ADH5: variants seen among roughly 807,000 people sequenced by gnomAD.
The protein encoded by ADH5 is alcohol dehydrogenase 5 (class III), chi polypeptide.
Under a neutral mutation model 40.3 loss-of-function variants are expected in ADH5, and 32 were observed. That is an observed-to-expected ratio of 0.79 (90% CI 0.60 to 1.07). ADH5 has a LOEUF of 1.07. Ranked by LOEUF, ADH5 falls within the 50% of genes least tolerant of loss-of-function variation. The pLI, the probability that ADH5 is intolerant of heterozygous loss-of-function variation, is 0.00. For missense variants in ADH5, 353 were observed against 460.5 expected, an observed-to-expected ratio of 0.77 and a Z score of 2.14; for synonymous variants, 125 against 154.3, an observed-to-expected ratio of 0.81 and a Z score of 1.41.
intron 6 of ADH5, 54 bp from the exon 7 acceptor site, chr4:99,075,103 A>T: frequency 1.7e-6 from 2 of 1,169,078 alleles, no homozygotes; most frequent in South Asian, 3.7e-5. Flanking sequence ...TTTCCTGAGA[A>T]CAACTGCTGG....
At chr4:99,079,115 C>T (rs1471121493) in intron 4 of ADH5, among the ~76,000 whole-genome samples, 1 of 152,208 alleles carries the variant, frequency 6.6e-6, no homozygotes, top group Non-Finnish European at 1.5e-5. Flanking sequence ...GCTGTAGATG[C>T]ATATCTTACG....
intron 1 of ADH5, among the ~76,000 whole-genome samples, chr4:99,086,111 A>T (rs1167247099): frequency 6.6e-6 from 1 of 152,232 alleles, no homozygotes; most frequent in African/African-American, 2.4e-5. Flanking sequence ...AGTTCAAAGA[A>T]AAGTAAAAAT....
chr4:99,073,473 C>A (rs769076786), intron 7 of ADH5, among the ~76,000 whole-genome samples: 1 of 141,802 alleles, frequency 7.1e-6, no homozygotes, highest in Non-Finnish European at 1.5e-5. Flanking sequence ...CCACCAGGCC[C>A]GACTAAATGG....
intron 7 of ADH5, among the ~76,000 whole-genome samples, chr4:99,073,324 G>A (rs948625012): frequency 1.3e-5 from 2 of 152,070 alleles, no homozygotes; most frequent in Non-Finnish European, 2.9e-5. Flanking sequence ...GACTACAGGC[G>A]CCTGCCACCA....
rs1426539015 is a variant in ADH5, at chr4:99,071,138, T to C, written c.*1279A>G. On this transcript the variant is annotated 3_prime_UTR_variant, in exon 9 of 9. Coordinates refer to ENST00000296412, the MANE Select transcript of ADH5 (RefSeq NM_000671.4). ...AATTATTCAGAGAAAAATAATTCAATACAAAGTTGAGCACAGGATATGAAC... is the reference window on the plus strand; with the variant it reads ...AATTATTCAGAGAAAAATAATTCAACACAAAGTTGAGCACAGGATATGAAC... 2 of 152,194 alleles carry C rather than the reference T, an allele frequency of 1.3e-5. No individual in the cohort carries two copies. Among genetic ancestry groups the C allele is most frequent in the Non-Finnish European group, 2.9e-5 (2 of 68,034 alleles). 9.4% of individuals were successfully genotyped at this position (152,194 alleles called of 1,614,324 possible).
chr4:99,086,853 C>T (rs7688835), intron 1 of ADH5, among the ~76,000 whole-genome samples: 103 of 130,194 alleles, frequency 7.9e-4, no homozygotes, highest in East Asian at 4.7e-3. Flanking sequence ...GGCAGGAGAA[C>T]GGCGTGAACC....
At chr4:99,072,549 A>C in intron 8 of ADH5, 24 bp downstream of exon 8, 1 of 1,609,398 alleles carries the variant, frequency 6.2e-7, no homozygotes, top group Non-Finnish European at 8.5e-7. Flanking sequence ...ATTACATTCT[A>C]TGATATATAA....
At chr4:99,072,943 T>G (rs1727860917) in intron 7 of ADH5, among the ~76,000 whole-genome samples, 1 of 152,230 alleles carries the variant, frequency 6.6e-6, no homozygotes, top group South Asian at 2.1e-4. Context: ...TCATTAAAGT[T>G]TTGGCCAATT....
At chr4:99,075,225 G>GTTTT (rs57354357) in intron 6 of ADH5, 176 bp from the exon 7 acceptor site, 2 of 316,244 alleles carry the variant, frequency 6.3e-6, no homozygotes. Context: ...TTTTTTTGTT[G>GTTTT]TTTTTTTTTT....
intron 1 of ADH5, among the ~76,000 whole-genome samples, chr4:99,085,826 A>C (rs1355490866): frequency 6.6e-6 from 1 of 152,228 alleles, no homozygotes; most frequent in Non-Finnish European, 1.5e-5. Flanking sequence ...TCATGAAGTC[A>C]GGAGTTCAAG....
chr4:99,082,176 G>A (rs1370018862), intron 2 of ADH5, 60 bp from the exon 3 acceptor site: 2 of 1,533,008 alleles, frequency 1.3e-6, no homozygotes, highest in East Asian at 4.5e-5. Flanking sequence ...CAGAGGTACA[G>A]ATACAAGAAA....
At chr4:99,082,762 C>T (rs756962263) in intron 2 of ADH5, among the ~76,000 whole-genome samples, 17 of 152,226 alleles carry the variant, frequency 1.1e-4, no homozygotes, top group South Asian at 8.3e-4. Flanking sequence ...CTGCAAACTC[C>T]GCCTCCTGGG....
chr4:99,080,142 C>T (rs1267684779), intron 4 of ADH5: 2 of 319,684 alleles, frequency 6.3e-6, no homozygotes, highest in South Asian at 2.5e-5. Context: ...AAGTTACATC[C>T]GGATGACAAT....
Position 99,071,580 on chromosome 4 carries a change from A to T in ADH5, c.*837T>A, listed in dbSNP as rs1304409211. Reference sequence around the variant, plus strand: ...AAGTATGAGGCTTAAAAATATATAAAACAGTACTAAAGAGTAGATGGTTTA... The same window carrying T: ...AAGTATGAGGCTTAAAAATATATAATACAGTACTAAAGAGTAGATGGTTTA... On this transcript the variant is annotated 3_prime_UTR_variant, in exon 9 of 9. Coordinates refer to ENST00000296412, the MANE Select transcript of ADH5 (RefSeq NM_000671.4). 6.6e-6 allele frequency: 1 copy of T among 152,228 alleles called. No homozygotes were observed. The highest frequency in any genetic ancestry group is 1.5e-5 in the Non-Finnish European group (1 of 68,044). 9.4% of individuals were successfully genotyped at this position (152,228 alleles called of 1,614,324 possible).
rs1007662826 is a variant in ADH5, at chr4:99,088,781, C to T, written c.-81G>A. 12 of 658,162 alleles carry T rather than the reference C, an allele frequency of 1.8e-5. No homozygotes were observed. Among genetic ancestry groups the T allele is most frequent in the Admixed American group, 6.1e-5 (2 of 32,902 alleles). 40.8% of individuals were successfully genotyped at this position (658,162 alleles called of 1,614,324 possible). ...ACGGAGGCATGGGCGTGGCGAGCGC[C>T]TAGCGAGGGGGGCGGGGCGTGGGGG... is the stretch of plus-strand genomic sequence containing the variant. On this transcript the variant is annotated 5_prime_UTR_variant, in exon 1 of 9. Transcript: ENST00000296412.
In ADH5 at chr4:99,081,355, A is replaced by C; in HGVS notation, c.344+10T>G. On this transcript the variant is annotated intron_variant, in intron 4 of 8. Transcript: ENST00000296412. ...CTTGTGTTTTAAGAAGAACATAAAA[A>C]GATACTAACCTTATCTTCTGGCAAA... The C allele has an allele frequency of 6.5e-7, 1 of 1,541,186 alleles. No homozygotes were observed. The highest frequency in any genetic ancestry group is 8.9e-7 in the Non-Finnish European group (1 of 1,124,244).
chr4:99,080,012 T>A (rs1202600335), intron 4 of ADH5: 1 of 455,176 alleles, frequency 2.2e-6, no homozygotes, highest in Non-Finnish European at 4.4e-6. Context: ...AGTCAGTATA[T>A]TTATGGTTTG....
chr4:99,073,312 G>A (rs1298249348), intron 7 of ADH5, among the ~76,000 whole-genome samples: 1 of 152,168 alleles, frequency 6.6e-6, no homozygotes, highest in African/African-American at 2.4e-5. Flanking sequence ...CCGGGTAGCT[G>A]GGACTACAGG....
rs771132827 is a variant in ADH5, at chr4:99,076,507, C to G, written c.610G>C (p.Gly204Arg). The change falls in exon 6 of 9, where the codon GGA becomes CGA. Residue 204 changes from glycine (G) to arginine (R), a missense_variant. Gly to Arg is a moderately radical substitution (Grantham distance 125). Transcript: ENST00000296412. ...TTACAGCCCATGATAACTGCCAATC[C>G]GACTCCTCCCAGACCAAAGACGGCA... ...VCAVFGLGGV[G>R]LAVIMGCKVA... 1 of 1,614,088 alleles carries G rather than the reference C, an allele frequency of 6.2e-7. No individual in the cohort carries two copies. Among genetic ancestry groups the G allele is most frequent in the African/African-American group, 1.3e-5 (1 of 75,034 alleles).
Sources: gnomAD v4.1 joint callset for allele counts (sites outside exome capture counted in the v4.1 genomes callset) on GRCh38, gnomAD v4.1.1 for gene constraint, MANE v1.5 for transcripts, NCBI Gene and HGNC (gene_info 2026-07-23, HGNC 2026-07-21) for gene names.